Variants in UQCRB observed in about 807,000 individuals in gnomAD.
The protein encoded by UQCRB is ubiquinol-cytochrome c reductase binding protein.
UQCRB carries 12 observed loss-of-function variants against 19.8 expected under a neutral mutation model. The observed-to-expected ratio is 0.61, with a 90% CI of 0.39 to 0.98. The LOEUF (loss-of-function observed/expected upper bound fraction) is 0.98, where lower values mean the gene tolerates loss of function less well. Among genes scored for constraint, UQCRB ranks in the 50% least tolerant of loss-of-function variants. The pLI, the probability that UQCRB is intolerant of heterozygous loss-of-function variation, is 0.00. For missense variants in UQCRB, 142 were observed against 131.8 expected (o/e 1.08, Z -0.38); for synonymous variants, 39 against 42.9 (o/e 0.91, Z 0.35).
At chr8:96,232,110 A>G in intron 2 of UQCRB, 170 bp from the exon 3 acceptor site, 2 of 668,470 alleles carry the variant, frequency 3.0e-6, no homozygotes, top group South Asian at 3.8e-5. Flanking sequence ...AGGTTGGTGC[A>G]AAAGTAATTG....
chr8:96,231,225 C>T lies in UQCRB; in HGVS notation c.259-93G>A, dbSNP rs777508204. 12 of 1,612,022 alleles carry T rather than the reference C, an allele frequency of 7.4e-6. No individual in the cohort carries two copies. The East Asian group carries it at 2.0e-4, about 27-fold the overall frequency. On this transcript the variant is annotated intron_variant, in intron 3 of 3. Coordinates refer to ENST00000287022, the MANE Select transcript of UQCRB (RefSeq NM_006294.5). ...TTCAATAACAAGAAAAAAGCAATTA[C>T]TTTTGAATTTCCAATTTTAGAAAAC...
Position 96,228,420 on chromosome 8 carries a change from C to T in UQCRB, c.*2635G>A, listed in dbSNP as rs999814494. On this transcript the variant is annotated 3_prime_UTR_variant, in exon 4 of 4. Coordinates refer to ENST00000287022, the MANE Select transcript of UQCRB (RefSeq NM_006294.5). ...CATGCAGATCCAGTTCCACTCTTCT[C>T]ATCTCCAGCAGGTACTTCACTCAAG... 2 of 453,980 alleles carry T rather than the reference C, an allele frequency of 4.4e-6. No homozygotes were observed. The highest frequency in any genetic ancestry group is 8.8e-6 in the Non-Finnish European group (2 of 226,796). 28.1% of individuals were successfully genotyped at this position (453,980 alleles called of 1,614,324 possible).
In UQCRB at chr8:96,231,326, G is replaced by A; in HGVS notation, c.259-194C>T. Reference sequence around the variant, plus strand: ...GATGGTGTGATAAGTTGCTTTGATAGGTTATGAGGGGGAAGTCTTTTCGGG... The same window carrying A: ...GATGGTGTGATAAGTTGCTTTGATAAGTTATGAGGGGGAAGTCTTTTCGGG... On this transcript the variant is annotated intron_variant, in intron 3 of 3. Transcript: ENST00000287022. 2.6e-6 allele frequency: 4 copies of A among 1,549,486 alleles called. No homozygotes were observed. The South Asian group carries it at 4.7e-5, about 18-fold the overall frequency.
At chr8:96,233,690 T>C (rs1483335728) in intron 1 of UQCRB, 1 of 156,838 alleles carries the variant, frequency 6.4e-6, no homozygotes, top group Admixed American at 6.3e-5. Context: ...AGAGCTGGAG[T>C]TGTAGGGAAA....
chr8:96,231,460 G>A, intron 3 of UQCRB: 1 of 1,535,144 alleles, frequency 6.5e-7, no homozygotes, highest in South Asian at 1.2e-5. Flanking sequence ...GACACTCAAT[G>A]GGCTGATCTT....
In UQCRB at chr8:96,229,201, T is replaced by C; in HGVS notation, c.*1854A>G. ...TACACTTTGGCTTTAGGAAGAACTC[T>C]TACAAAATCAGAGGTTGCCTTATGT... is the stretch of plus-strand genomic sequence containing the variant. On this transcript the variant is annotated 3_prime_UTR_variant, in exon 4 of 4. Transcript: ENST00000287022. 1 of 454,136 alleles carries C rather than the reference T, an allele frequency of 2.2e-6. No individual in the cohort carries two copies. The highest frequency in any genetic ancestry group is 2.3e-5 in the Admixed American group (1 of 42,582). The allele number at this position is 454,136 out of a possible 1,614,324, so 28.1% of individuals were successfully genotyped here.
rs768186392 is a variant in UQCRB at position 96,231,025 on chromosome 8, C to T, written c.*30G>A. ...GTTTCAAGTTTAACCATCTTCATAA[C>T]AGCTGCATCCACAGACTTCAACTAC... On this transcript the variant is annotated 3_prime_UTR_variant, in exon 4 of 4. Coordinates refer to ENST00000287022, the MANE Select transcript of UQCRB (RefSeq NM_006294.5). 5 of 1,596,750 alleles carry T rather than the reference C, an allele frequency of 3.1e-6. No homozygotes were observed. In the South Asian group the frequency reaches 4.4e-5, roughly 14 times the overall value.
In UQCRB at chr8:96,230,549, T is replaced by C. The variant is rs1414308628; in HGVS notation, c.*506A>G. The stretch of plus-strand genomic sequence containing the variant: ...TTATTTTTCTAACATCTTTTTGTTT[T>C]CTAGTATACATGTTAGCACAGGAGT... On this transcript the variant is annotated 3_prime_UTR_variant, in exon 4 of 4. Transcript: ENST00000287022. 2 of 453,878 alleles carry C rather than the reference T, an allele frequency of 4.4e-6. No homozygotes were observed. 28.1% of individuals were successfully genotyped at this position (453,878 alleles called of 1,614,324 possible).
In UQCRB at chr8:96,233,088, G is replaced by GA. The variant is rs1337865767; in HGVS notation, c.91+67dup. 273 of 1,512,560 alleles carry GA rather than the reference G, an allele frequency of 1.8e-4. No homozygotes were observed. The African/African-American group carries it at 3.1e-3, about 17-fold the overall frequency. The allele number at this position is 1,512,560 out of a possible 1,614,324, so 93.7% of individuals were successfully genotyped here. A position where few individuals can be genotyped will look rare whatever the true frequency, so the allele number is the denominator to read the frequency against. ...AACACTTGCAAAAGCAATACTCTCA[G>GA]AAAAACAAAAAAAAAAACAAAGAAA... is the stretch of plus-strand genomic sequence containing the variant. On this transcript the variant is annotated intron_variant, in intron 2 of 3. Transcript: ENST00000287022.
At position 96,230,751 on chromosome 8, in the gene UQCRB, C is replaced by T. The variant is rs553937617; in HGVS notation, c.*304G>A. On this transcript the variant is annotated 3_prime_UTR_variant, in exon 4 of 4. Coordinates refer to ENST00000287022, the MANE Select transcript of UQCRB (RefSeq NM_006294.5). ...GTAGCTTCCATAAGGATGTAACTTA[C>T]GGAAGTTATATCCTTCCATAAACTG... The T allele has an allele frequency of 2.2e-5, 12 of 534,964 alleles. No individual in the cohort carries two copies. Among genetic ancestry groups the T allele is most frequent in the African/African-American group, 7.5e-5 (4 of 53,310 alleles). 33.1% of individuals were successfully genotyped at this position (534,964 alleles called of 1,614,324 possible).
At position 96,233,148 on chromosome 8, in the gene UQCRB, C is replaced by A. The variant is rs566052912; in HGVS notation, c.91+8G>T. 1 of 1,611,918 alleles carries A rather than the reference C, an allele frequency of 6.2e-7. No homozygotes were observed. Among genetic ancestry groups the A allele is most frequent in the African/African-American group, 1.3e-5 (1 of 74,940 alleles). On this transcript the variant is annotated splice_region_variant and intron_variant, in intron 2 of 3. Coordinates refer to ENST00000287022, the MANE Select transcript of UQCRB (RefSeq NM_006294.5). The stretch of plus-strand genomic sequence containing the variant: ...CAACAAAAAACATTAAACAGCACAG[C>A]TGCTTACCCAGTTTATTGAATCCTG...
rs1039362701 is a variant in UQCRB at position 96,230,109 on chromosome 8, A to T, written c.*946T>A. ...TCCTAATTTTTTTTTTGAGACAGTC[A>T]ATGTCGCTCAGGCTGAAGTGCAGTG... On this transcript the variant is annotated 3_prime_UTR_variant, in exon 4 of 4. Transcript: ENST00000287022. 2.4e-5 allele frequency: 11 copies of T among 453,848 alleles called. No homozygotes were observed. Among genetic ancestry groups the T allele is most frequent in the Non-Finnish European group, 4.4e-5 (10 of 226,764 alleles). 28.1% of individuals were successfully genotyped at this position (453,848 alleles called of 1,614,324 possible). A position where few individuals can be genotyped will look rare whatever the true frequency, so the allele number is the denominator to read the frequency against.
At chr8:96,235,339 TG>T in intron 1 of UQCRB, 172 bp downstream of exon 1, 4 of 989,174 alleles carry the variant, frequency 4.0e-6, no homozygotes, top group South Asian at 1.3e-5. Flanking sequence ...AAGCCCGCCC[TG>T]GGGACAGCAA....
chr8:96,231,374 C>T lies in UQCRB; in HGVS notation c.259-242G>A, dbSNP rs1189492089. On this transcript the variant is annotated intron_variant, in intron 3 of 3. Coordinates refer to ENST00000287022, the MANE Select transcript of UQCRB (RefSeq NM_006294.5). ...GGGAAGAAAAAGAAATGAATGTCCA[C>T]AGGCCTTTGCCTAGTTTCAATGCAG... 2.6e-6 allele frequency: 4 copies of T among 1,540,798 alleles called. No individual in the cohort carries two copies. In the African/African-American group the frequency reaches 5.5e-5, roughly 21 times the overall value.
intron 1 of UQCRB, chr8:96,234,255 C>T (rs1414103607): frequency 4.3e-6 from 1 of 235,004 alleles, no homozygotes; most frequent in Non-Finnish European, 8.7e-6. Context: ...TATCAGTCAA[C>T]AATCTACAAA....
rs778399643 is a variant in UQCRB, at chr8:96,231,034, CCA to C, written c.*19_*20del. 1.9e-6 allele frequency: 3 copies of C among 1,608,154 alleles called. No individual in the cohort carries two copies. Among genetic ancestry groups the C allele is most frequent in the Non-Finnish European group, 2.6e-6 (3 of 1,176,144 alleles). On this transcript the variant is annotated 3_prime_UTR_variant, in exon 4 of 4. Transcript: ENST00000287022. ...TTAACCATCTTCATAACAGCTGCAT[CCA>C]CAGACTTCAACTACATGATTACTTC...
Position 96,229,124 on chromosome 8 carries a change from A to G in UQCRB, c.*1931T>C. 2.2e-6 allele frequency: 1 copy of G among 454,072 alleles called. No homozygotes were observed. Among genetic ancestry groups the G allele is most frequent in the South Asian group, 1.6e-5 (1 of 64,478 alleles). The allele number at this position is 454,072 out of a possible 1,614,324, so 28.1% of individuals were successfully genotyped here. A position where few individuals can be genotyped will look rare whatever the true frequency, so the allele number is the denominator to read the frequency against. On this transcript the variant is annotated 3_prime_UTR_variant, in exon 4 of 4. Coordinates refer to ENST00000287022, the MANE Select transcript of UQCRB (RefSeq NM_006294.5). ...GATCTAGTGTTCAAAGAACTTTTGC[A>G]CACTTGTTCTCATTTAGAAGAATGA...
At position 96,226,213 on chromosome 8, in the gene UQCRB, G is replaced by A. The variant is rs988274143; in HGVS notation, c.*4842C>T. On this transcript the variant is annotated 3_prime_UTR_variant, in exon 4 of 4. Transcript: ENST00000287022. ...ATGAACAAGCATAAAATGGACTTTC[G>A]AAGCCTAATTTCTTCTTCCATACAA... The A allele has an allele frequency of 6.6e-6, 1 of 152,068 alleles. No homozygotes were observed. The highest frequency in any genetic ancestry group is 6.6e-5 in the Admixed American group (1 of 15,262). The allele number at this position is 152,068 out of a possible 1,614,324, so 9.4% of individuals were successfully genotyped here.
In UQCRB at chr8:96,232,833, C is replaced by CAAAT. The variant is rs67926232; in HGVS notation, c.91+319_91+322dup. ...CTGGTGACAGAGCAAGACTCTGTCT[C>CAAAT]AAATAAATAAATAAATAAATAAATA... On this transcript the variant is annotated intron_variant, in intron 2 of 3. Transcript: ENST00000287022. The CAAAT allele has an allele frequency of 6.4e-3, 1,380 of 214,844 alleles. 19 individuals are homozygous for CAAAT. The highest frequency in any genetic ancestry group is 0.031 in the African/African-American group (1,261 of 41,106). The allele number at this position is 214,844 out of a possible 1,614,324, so 13.3% of individuals were successfully genotyped here. A position where few individuals can be genotyped will look rare whatever the true frequency, so the allele number is the denominator to read the frequency against.
Sources: gnomAD v4.1 joint callset for allele counts on GRCh38, gnomAD v4.1.1 for gene constraint, MANE v1.5 for transcripts, NCBI Gene and HGNC (gene_info 2026-07-23, HGNC 2026-07-21) for gene names.